CHRNA4: variants seen among roughly 807,000 people sequenced by gnomAD.
CHRNA4 encodes the protein neuronal acetylcholine receptor subunit alpha-4.
Under a neutral mutation model 48.9 loss-of-function variants are expected in CHRNA4, and 28 were observed. That is an observed-to-expected ratio of 0.57 (90% CI 0.42 to 0.79). The LOEUF (loss-of-function observed/expected upper bound fraction) is 0.79, where lower values mean the gene tolerates loss of function less well. Ranked by LOEUF, CHRNA4 falls within the 30% of genes least tolerant of loss-of-function variation. The pLI, the probability that CHRNA4 is intolerant of heterozygous loss-of-function variation, is 0.00. For synonymous variants in CHRNA4, 425 were observed against 402.3 expected (o/e 1.06, Z -0.68); for missense variants, 859 against 898.4 (o/e 0.96, Z 0.56).
Position 63,350,376 on chromosome 20 carries a change from G to A in CHRNA4, c.1035C>T (p.Arg345=). The A allele has an allele frequency of 6.2e-7, 1 of 1,613,814 alleles. No homozygotes were observed. Among genetic ancestry groups the A allele is most frequent in the Non-Finnish European group, 8.5e-7 (1 of 1,180,032 alleles). The stretch of plus-strand genomic sequence containing the variant: ...GTGGCACGATGTCCAGGAAGACCCT[G>A]CGTACCCAGGTGGGCATGGTGTGCG... The part of the protein sequence containing the change: ...PRTHTMPTWV[R]RVFLDIVPRL... The change falls in exon 5 of 6, where the codon CGC becomes CGT. Residue 345 remains arginine (R), a synonymous_variant. Transcript: ENST00000370263.
At chr20:63,356,927 A>G (rs1364715917) in intron 2 of CHRNA4, among the ~76,000 whole-genome samples, 1 of 151,806 alleles carries the variant, frequency 6.6e-6, no homozygotes, top group Non-Finnish European at 1.5e-5. Context: ...TGGGCCACTC[A>G]CCCCAGCCCC....
chr20:63,357,017 C>T (rs114352096), intron 2 of CHRNA4, among the ~76,000 whole-genome samples: 88 of 39,020 alleles, frequency 2.3e-3, no homozygotes, highest in Admixed American at 3.5e-3. Context: ...GGACCACATC[C>T]CCACAGAACC....
At chr20:63,351,636 C>A (rs1168183801) in intron 4 of CHRNA4, among the ~76,000 whole-genome samples, 1 of 152,218 alleles carries the variant, frequency 6.6e-6, no homozygotes, top group Non-Finnish European at 1.5e-5. Context: ...CATGAGGACA[C>A]CAGGGGCCAC....
chr20:63,347,212 G>T (rs955793694), intron 5 of CHRNA4, among the ~76,000 whole-genome samples: 1 of 152,248 alleles, frequency 6.6e-6, no homozygotes, highest in Admixed American at 6.5e-5. Flanking sequence ...GGGGCACGGG[G>T]GAGGGGGGCT....
At chr20:63,356,618 G>A in intron 2 of CHRNA4, 2 of 623,966 alleles carry the variant, frequency 3.2e-6, no homozygotes, top group Non-Finnish European at 5.8e-6. Flanking sequence ...GGGATGTGGG[G>A]ACAAGGCCAC....
chr20:63,348,972 C>T (rs1745845583), intron 5 of CHRNA4, among the ~76,000 whole-genome samples: 1 of 152,190 alleles, frequency 6.6e-6, no homozygotes, highest in Admixed American at 6.5e-5. Flanking sequence ...GCTCCTGGGG[C>T]CTCTGTGCGG....
chr20:63,359,429 G>T, intron 2 of CHRNA4, 119 bp downstream of exon 2: 1 of 1,315,908 alleles, frequency 7.6e-7, no homozygotes, highest in Non-Finnish European at 1.1e-6. Flanking sequence ...ACCAGCCCGG[G>T]CCGGACACTC....
intron 4 of CHRNA4, chr20:63,354,632 G>A (rs1165059585): frequency 6.0e-6 from 4 of 671,768 alleles, no homozygotes; most frequent in Non-Finnish European, 7.3e-6. Context: ...GGGGGTTTGA[G>A]GTCACAGTGG....
Position 63,344,082 on chromosome 20 carries a change from C to T in CHRNA4, c.*2656G>A, listed in dbSNP as rs959564465. 2.9e-5 allele frequency: 13 copies of T among 453,988 alleles called. No homozygotes were observed. The highest frequency in any genetic ancestry group is 1.4e-4 in the Admixed American group (6 of 42,554). 28.1% of individuals were successfully genotyped at this position (453,988 alleles called of 1,614,324 possible). ...CCACTAACAGGTGATGGACAAACTG[C>T]GTCTTAGTTTATTCAGACAGAAGAA... On this transcript the variant is annotated 3_prime_UTR_variant, in exon 6 of 6. Transcript: ENST00000370263. This position sits in a 1 kb window ranked among gnomAD's most constrained non-coding sequence, Gnocchi z 4.5.
rs769255299 is a variant in CHRNA4 at position 63,361,273 on chromosome 20, G to C, written c.-108C>G. The stretch of plus-strand genomic sequence containing the variant: ...CCTCCCGCGCCTCGCGGGCCGCTTC[G>C]GCCGCCGGGCCCGGTTCGTCTTCTC... On this transcript the variant is annotated 5_prime_UTR_variant, in exon 1 of 6. Transcript: ENST00000370263. The C allele has an allele frequency of 1.5e-6, 2 of 1,377,634 alleles. No individual in the cohort carries two copies. Among genetic ancestry groups the C allele is most frequent in the Non-Finnish European group, 1.9e-6 (2 of 1,066,976 alleles). The allele number at this position is 1,377,634 out of a possible 1,614,324, so 85.3% of individuals were successfully genotyped here.
intron 5 of CHRNA4, among the ~76,000 whole-genome samples, chr20:63,348,589 C>T (rs563884410): frequency 7.7e-4 from 118 of 152,328 alleles, no homozygotes; most frequent in Non-Finnish European, 1.3e-3. Context: ...CCCCTTCAGA[C>T]GGAGGTGGCC....
chr20:63,355,681 G>T, intron 4 of CHRNA4: 1 of 1,011,326 alleles, frequency 9.9e-7, no homozygotes, highest in Non-Finnish European at 1.4e-6. Context: ...ACTGTGTCCA[G>T]GTGCCATAGC....
intron 2 of CHRNA4, among the ~76,000 whole-genome samples, chr20:63,357,170 C>T (rs78152582): frequency 1.0e-4 from 1 of 9,702 alleles, no homozygotes; most frequent in African/African-American, 1.7e-4. Context: ...CACAGGACCA[C>T]ATTCCCACAG....
Position 63,350,016 on chromosome 20 carries a change from G to T in CHRNA4, c.1395C>A (p.Ser465=), listed in dbSNP as rs748016098. The change falls in exon 5 of 6, where the codon TCC becomes TCA. Residue 465 remains serine, a synonymous_variant. Coordinates refer to ENST00000370263, the MANE Select transcript of CHRNA4 (RefSeq NM_000744.7). ...TQAPGLAKAR[S]LSVQHMSSPG... ...GGCTGGACATGTGCTGGACGCTGAG[G>T]GACCTGGCTTTGGCCAGCCCTGGTG... The T allele has an allele frequency of 5.2e-6, 8 of 1,528,736 alleles. No homozygotes were observed. Among genetic ancestry groups the T allele is most frequent in the African/African-American group, 1.4e-5 (1 of 72,924 alleles). 94.7% of individuals were successfully genotyped at this position (1,528,736 alleles called of 1,614,324 possible). A position where few individuals can be genotyped will look rare whatever the true frequency, so the allele number is the denominator to read the frequency against.
chr20:63,347,748 G>A (rs3787137), intron 5 of CHRNA4, among the ~76,000 whole-genome samples: 64,767 of 152,104 alleles, frequency 0.43, 16,557 homozygotes, highest in Non-Finnish European at 0.57. Context: ...CTCTGGGCCC[G>A]GCCGTGAGGG....
rs564670727 is a variant in CHRNA4 at position 63,344,968 on chromosome 20, G to T, written c.*1770C>A. On this transcript the variant is annotated 3_prime_UTR_variant, in exon 6 of 6. Transcript: ENST00000370263. The surrounding 1 kb of genome is among the most constrained non-coding windows in gnomAD (Gnocchi z 4.5). Reference sequence around the variant, plus strand: ...GGGTCTCTGTGTCCCACCCACTCCTGGCACAAAAGCCCCAGCCTCAGGACC... The same window carrying T: ...GGGTCTCTGTGTCCCACCCACTCCTTGCACAAAAGCCCCAGCCTCAGGACC... The T allele has an allele frequency of 4.8e-5, 20 of 418,166 alleles. No individual in the cohort carries two copies. The highest frequency in any genetic ancestry group is 4.7e-4 in the Admixed American group (19 of 40,418). 25.9% of individuals were successfully genotyped at this position (418,166 alleles called of 1,614,324 possible).
intron 2 of CHRNA4, among the ~76,000 whole-genome samples, chr20:63,358,130 A>T (rs1349544952): frequency 1.3e-5 from 2 of 151,890 alleles, no homozygotes; most frequent in Non-Finnish European, 2.9e-5. Context: ...CGCCAGGGAC[A>T]CTCCACAGGA....
chr20:63,355,791 C>T (rs2068707334), intron 4 of CHRNA4, 184 bp downstream of exon 4: 2 of 931,386 alleles, frequency 2.1e-6, no homozygotes, highest in Non-Finnish European at 3.2e-6. Flanking sequence ...CCTCAACCCA[C>T]ACCAATTTCT....
chr20:63,345,668 C>T lies in CHRNA4; in HGVS notation c.*1070G>A, dbSNP rs199791049. ...ATGAGGCTTCTCAGGGACTTCCTGC[C>T]CCGAGGGTCCCAGCATCTCCCAGGT... is the stretch of plus-strand genomic sequence containing the variant. On this transcript the variant is annotated 3_prime_UTR_variant, in exon 6 of 6. Transcript: ENST00000370263. The surrounding 1 kb of genome is among the most constrained non-coding windows in gnomAD (Gnocchi z 5.4). 2.2e-6 allele frequency: 1 copy of T among 453,938 alleles called. No homozygotes were observed. The highest frequency in any genetic ancestry group is 4.4e-6 in the Non-Finnish European group (1 of 226,668). The allele number at this position is 453,938 out of a possible 1,614,324, so 28.1% of individuals were successfully genotyped here. A position where few individuals can be genotyped will look rare whatever the true frequency, so the allele number is the denominator to read the frequency against.
Sources: gnomAD v4.1 joint callset for allele counts (sites outside exome capture counted in the v4.1 genomes callset) on GRCh38, gnomAD v4.1.1 for gene constraint, Gnocchi (gnomAD v3.1) non-coding constraint, MANE v1.5 for transcripts, NCBI Gene and HGNC (gene_info 2026-07-23, HGNC 2026-07-21) for gene names.